Variants in TMTC2 observed in about 807,000 individuals in gnomAD.
TMTC2 encodes the protein transmembrane O-mannosyltransferase targeting cadherins 2.
In TMTC2, 43 loss-of-function variants were observed where a neutral mutation model predicts 82.4. That is an observed-to-expected ratio of 0.52 (90% CI 0.41 to 0.67). The LOEUF is 0.67. Ranked by LOEUF, TMTC2 falls within the 30% of genes least tolerant of loss-of-function variation. TMTC2 has a pLI of 0.00. For missense variants in TMTC2, 919 were observed against 1,012.4 expected (o/e 0.91, Z 1.25); for synonymous variants, 408 against 381.9 (o/e 1.07, Z -0.80).
chr12:83,012,029 C>T (rs1317828987), intron 8 of TMTC2, among the ~76,000 whole-genome samples: 4 of 152,146 alleles, frequency 2.6e-5, no homozygotes, highest in Non-Finnish European at 5.9e-5. Flanking sequence ...CACTCACTGA[C>T]ACATCACTGT....
At chr12:82,756,001 G>C (rs189396230) in intron 1 of TMTC2, among the ~76,000 whole-genome samples, 3 of 152,264 alleles carry the variant, frequency 2.0e-5, no homozygotes, top group Admixed American at 1.3e-4. Context: ...GAGTCAGGGT[G>C]ACAGTACCTC....
At chr12:82,953,588 T>TAAA (rs1374052254) in intron 4 of TMTC2, among the ~76,000 whole-genome samples, 1 of 152,192 alleles carries the variant, frequency 6.6e-6, no homozygotes, top group Admixed American at 6.5e-5. Context: ...AAATGTTGCT[T>TAAA]AAAACTAAGC....
At chr12:83,102,261 T>C (rs369382274) in intron 11 of TMTC2, among the ~76,000 whole-genome samples, 28 of 152,350 alleles carry the variant, frequency 1.8e-4, no homozygotes, top group African/African-American at 6.7e-4. Flanking sequence ...GCTATTTTTT[T>C]AGTCTTTCTA....
chr12:83,074,177 T>C lies in TMTC2; in HGVS notation c.2331+12346T>C, dbSNP rs570247948. ...TGTACCACGTGGTGTTCGCTTGATG[T>C]AGTACTCCTCCCCCTTTTCCTATGG... is the stretch of plus-strand genomic sequence containing the variant. On this transcript the variant is annotated intron_variant, in intron 11 of 11. Transcript: ENST00000321196. Among the ~76,000 whole-genome samples, 26 of 152,298 alleles carry C rather than the reference T, an allele frequency of 1.7e-4. No homozygotes were observed. In the South Asian group the frequency reaches 5.2e-3, roughly 30 times the overall value.
intron 8 of TMTC2, among the ~76,000 whole-genome samples, chr12:83,011,086 C>T (rs1306216837): frequency 3.9e-5 from 6 of 152,176 alleles, no homozygotes; most frequent in South Asian, 2.1e-4. Flanking sequence ...CCACCCACGT[C>T]GGCATCCCAA....
At chr12:82,879,524 C>G (rs1029054218) in intron 2 of TMTC2, among the ~76,000 whole-genome samples, 1 of 152,232 alleles carries the variant, frequency 6.6e-6, no homozygotes, top group South Asian at 2.1e-4. Context: ...CGCTCACCTC[C>G]TGCTGTGTGG....
At chr12:82,833,837 C>G (rs1869883044) in intron 1 of TMTC2, among the ~76,000 whole-genome samples, 1 of 152,124 alleles carries the variant, frequency 6.6e-6, no homozygotes, top group African/African-American at 2.4e-5. Context: ...GAATGTTTTT[C>G]CATGGTCTTC....
At chr12:82,988,163 A>G (rs1047426084) in intron 8 of TMTC2, among the ~76,000 whole-genome samples, 1 of 152,200 alleles carries the variant, frequency 6.6e-6, no homozygotes, top group Non-Finnish European at 1.5e-5. Flanking sequence ...AATACTATAC[A>G]GGAACAATAG....
At chr12:82,766,109 G>T (rs1293454982) in intron 1 of TMTC2, among the ~76,000 whole-genome samples, 1 of 152,160 alleles carries the variant, frequency 6.6e-6, no homozygotes, top group Non-Finnish European at 1.5e-5. Flanking sequence ...CTAAAGGCTT[G>T]GAAGTTTCTC....
chr12:82,918,388 G>C (rs1390447520), intron 3 of TMTC2, among the ~76,000 whole-genome samples: 1 of 152,152 alleles, frequency 6.6e-6, no homozygotes, highest in African/African-American at 2.4e-5. Flanking sequence ...CTCAGCGTTG[G>C]TGGAAGCAAA....
At chr12:82,776,317 G>A (rs1472695809) in intron 1 of TMTC2, among the ~76,000 whole-genome samples, 1 of 152,070 alleles carries the variant, frequency 6.6e-6, no homozygotes, top group East Asian at 1.9e-4. Context: ...AAATGGTGTG[G>A]TGCTATAAGT....
chr12:82,966,514 A>G (rs913453107), intron 6 of TMTC2, among the ~76,000 whole-genome samples: 7 of 152,174 alleles, frequency 4.6e-5, no homozygotes, highest in Admixed American at 4.6e-4. Flanking sequence ...GAGCTGGAAG[A>G]TTTGTTAGCT....
chr12:83,015,840 T>C (rs1880654152), intron 8 of TMTC2, among the ~76,000 whole-genome samples: 1 of 152,224 alleles, frequency 6.6e-6, no homozygotes, highest in Non-Finnish European at 1.5e-5. Flanking sequence ...TTGTCGCTTG[T>C]ATTTATACAT....
chr12:83,064,666 C>A (rs1193966747), intron 11 of TMTC2, among the ~76,000 whole-genome samples: 1 of 151,820 alleles, frequency 6.6e-6, no homozygotes, highest in Non-Finnish European at 1.5e-5. Context: ...TACTAACCAG[C>A]CCAACCCTGC....
At chr12:82,785,438 T>A (rs1878135807) in intron 1 of TMTC2, among the ~76,000 whole-genome samples, 1 of 130,938 alleles carries the variant, frequency 7.6e-6, no homozygotes, top group Non-Finnish European at 1.5e-5. Context: ...AGCACTGGAA[T>A]GTGAGAATGT....
At chr12:82,955,671 A>G (rs1877576058) in intron 4 of TMTC2, among the ~76,000 whole-genome samples, 2 of 152,200 alleles carry the variant, frequency 1.3e-5, no homozygotes, top group Non-Finnish European at 2.9e-5. Flanking sequence ...TTTAGGTCTT[A>G]GAAATAGTAG....
At chr12:82,727,117 A>AG (rs1874496276) in intron 1 of TMTC2, among the ~76,000 whole-genome samples, 1 of 151,846 alleles carries the variant, frequency 6.6e-6, no homozygotes. Context: ...GAAAAAAAAA[A>AG]CAACCAGAAA....
intron 3 of TMTC2, among the ~76,000 whole-genome samples, chr12:82,927,978 T>C (rs1875820104): frequency 6.6e-6 from 1 of 152,248 alleles, no homozygotes; most frequent in Non-Finnish European, 1.5e-5. Flanking sequence ...ATTCACTTTA[T>C]TGTGGTTGTC....
chr12:82,705,294 C>G (rs887809011), intron 1 of TMTC2, among the ~76,000 whole-genome samples: 1 of 152,094 alleles, frequency 6.6e-6, no homozygotes, highest in Non-Finnish European at 1.5e-5. Context: ...AGAACTTACT[C>G]GTAACCAAAG....
Sources: gnomAD v4.1 joint callset for allele counts (sites outside exome capture counted in the v4.1 genomes callset) on GRCh38, gnomAD v4.1.1 for gene constraint, MANE v1.5 for transcripts, NCBI Gene and HGNC (gene_info 2026-07-23, HGNC 2026-07-21) for gene names.